Variants in SETD2 observed in about 807,000 individuals in gnomAD.
The protein encoded by SETD2 is histone-lysine N-methyltransferase SETD2.
Under a neutral mutation model 242.1 loss-of-function variants are expected in SETD2, and 31 were observed. The observed-to-expected ratio is 0.13, with a 90% CI of 0.10 to 0.17. The LOEUF (loss-of-function observed/expected upper bound fraction) is 0.17. Among genes scored for constraint, SETD2 ranks in the 10% least tolerant of loss-of-function variants. SETD2 has a pLI of 1.00. For synonymous variants in SETD2, 1,006 were observed against 1,066.5 expected, an observed-to-expected ratio of 0.94 and a Z score of 1.11; for missense variants, 2,481 against 3,046.3, an observed-to-expected ratio of 0.81 and a Z score of 4.37.
At chr3:47,036,645 A>G (rs2039008614) in intron 18 of SETD2, among the ~76,000 whole-genome samples, 1 of 151,686 alleles carries the variant, frequency 6.6e-6, no homozygotes, top group South Asian at 2.1e-4. Flanking sequence ...GCTCACATCT[A>G]TAATCCCAGC....
Position 47,112,086 on chromosome 3 carries a change from A to G in SETD2, c.4715+1790T>C, listed in dbSNP as rs547732042. ...ATGTAATCTGTTTATATTTAACTTC[A>G]AAGAGGCACTTGACCTTCATTAAGA... On this transcript the variant is annotated intron_variant, in intron 5 of 20. Coordinates refer to ENST00000409792, the MANE Select transcript of SETD2 (RefSeq NM_014159.7). Among the ~76,000 whole-genome samples, 44 of 151,286 alleles carry G rather than the reference A, an allele frequency of 2.9e-4. 1 individual carries two copies. The highest frequency in any genetic ancestry group is 1.9e-4 in the Non-Finnish European group (13 of 67,924).
chr3:47,078,724 G>A (rs1000789706), intron 12 of SETD2, among the ~76,000 whole-genome samples: 5 of 151,290 alleles, frequency 3.3e-5, no homozygotes, highest in African/African-American at 1.2e-4. Context: ...TAACTTAGTT[G>A]TTGTTGTTTT....
intron 3 of SETD2, among the ~76,000 whole-genome samples, chr3:47,117,385 C>A (rs1231249883): frequency 6.6e-6 from 1 of 151,678 alleles, no homozygotes; most frequent in Middle Eastern, 3.2e-3. Flanking sequence ...TTATTTCCTA[C>A]TCCAGGTCAG....
rs747138806 is a variant in SETD2 at position 47,067,044 on chromosome 3, AAC to A, written c.6109+24_6109+25del. On this transcript the variant is annotated intron_variant, in intron 13 of 20. Transcript: ENST00000409792. ...ACAAAAGAATATTTGTAAAGCCATC[AAC>A]ACAGAGTATCTCTGAATACCTACTT... The A allele has an allele frequency of 4.4e-6, 7 of 1,573,176 alleles. No individual in the cohort carries two copies. In the African/African-American group the frequency reaches 9.5e-5, roughly 21 times the overall value.
At position 47,084,059 on chromosome 3, in the gene SETD2, C is replaced by A; in HGVS notation, c.5721G>T (p.Glu1907Asp). The change falls in exon 12 of 21, where the codon GAG becomes GAT. Residue 1907 changes from glutamate (E) to aspartate (D), a missense_variant. Glu to Asp is a conservative substitution (Grantham distance 45, BLOSUM62 2). This residue lies in a region of SETD2 where 203 missense variants were observed against 222.4 expected (regional missense o/e 0.91). Transcript: ENST00000409792. ...GGACATTTTCTAATTGATCAAGATC[C>A]TCTTTGCCATCCTTGCCTTCTAGCT... ...TSELEGKDGK[E>D]DLDQLENVPV... is the part of the protein sequence containing the mutation. 1 of 1,614,206 alleles carries A rather than the reference C, an allele frequency of 6.2e-7. No homozygotes were observed. The highest frequency in any genetic ancestry group is 8.5e-7 in the Non-Finnish European group (1 of 1,180,030).
chr3:47,118,678 A>G (rs1279725285), intron 3 of SETD2, among the ~76,000 whole-genome samples: 1 of 151,922 alleles, frequency 6.6e-6, no homozygotes, highest in Non-Finnish European at 1.5e-5. Context: ...AAAAAAAAAA[A>G]AAAGTTAAAT....
At chr3:47,103,739 C>T (rs571317041) in intron 6 of SETD2, among the ~76,000 whole-genome samples, 14 of 103,432 alleles carry the variant, frequency 1.4e-4, no homozygotes, top group East Asian at 5.7e-4. Flanking sequence ...GCAATGCACA[C>T]GCACGCACAC....
chr3:47,142,487 T>C (rs1450864029), intron 1 of SETD2, among the ~76,000 whole-genome samples: 1 of 151,952 alleles, frequency 6.6e-6, no homozygotes, highest in African/African-American at 2.4e-5. Context: ...CCAGCCTGGG[T>C]GACAGAGCAA....
intron 18 of SETD2, among the ~76,000 whole-genome samples, chr3:47,033,652 ATTTTTTTTTTTTTT>A (rs34978514): frequency 4.4e-5 from 4 of 90,856 alleles, no homozygotes; most frequent in Non-Finnish European, 5.8e-5. Flanking sequence ...TCATGGTTTG[ATTTTTTTTTTTTTT>A]TTTTTTTTTT....
rs6795211 is a variant in SETD2 at position 47,113,438 on chromosome 3, C to T, written c.4715+438G>A. Among the ~76,000 whole-genome samples, 217 of 152,216 alleles carry T rather than the reference C, an allele frequency of 1.4e-3. 1 individual carries two copies. The highest frequency in any genetic ancestry group is 4.7e-3 in the African/African-American group (195 of 41,540). On this transcript the variant is annotated intron_variant, in intron 5 of 20. Coordinates refer to ENST00000409792, the MANE Select transcript of SETD2 (RefSeq NM_014159.7). ...AAAAGAAAAAAAGATTTTTTAACAA[C>T]AAACTAGCTACCAAGTGGTCATTCT...
rs1020129030 is a variant in SETD2 at position 47,120,391 on chromosome 3, A to G, written c.4245T>C (p.Ser1415=). Residue 1415 remains serine (S), a synonymous_variant, in exon 3 of 21, where the codon TCT becomes TCC. Transcript: ENST00000409792. ...TGTCCTGAAGCTCACCATCACTTTC[A>G]GAATCACTCTCTATTTCCTGCCTCC... The part of the protein sequence containing the change: ...KKRRQEIESD[S]ESDGELQDRK... 1 of 1,612,438 alleles carries G rather than the reference A, an allele frequency of 6.2e-7. No individual in the cohort carries two copies. The highest frequency in any genetic ancestry group is 8.5e-7 in the Non-Finnish European group (1 of 1,179,540).
chr3:47,092,739 T>A (rs2041855478), intron 9 of SETD2, among the ~76,000 whole-genome samples: 1 of 151,934 alleles, frequency 6.6e-6, no homozygotes, highest in Non-Finnish European at 1.5e-5. Flanking sequence ...AGAATACACA[T>A]ATAGACAGAA....
chr3:47,076,001 C>G (rs910543732), intron 12 of SETD2, among the ~76,000 whole-genome samples: 1 of 152,216 alleles, frequency 6.6e-6, no homozygotes, highest in African/African-American at 2.4e-5. Flanking sequence ...AAGCTCTTCA[C>G]AGGACACTGG....
chr3:47,150,167 C>G (rs1559767551), intron 1 of SETD2, among the ~76,000 whole-genome samples: 1 of 150,964 alleles, frequency 6.6e-6, no homozygotes, highest in African/African-American at 2.4e-5. Flanking sequence ...GTAGCTGGGA[C>G]TCCAGGCACC....
intron 1 of SETD2, among the ~76,000 whole-genome samples, chr3:47,146,039 A>G (rs1221159429): frequency 6.6e-6 from 1 of 150,998 alleles, no homozygotes; most frequent in African/African-American, 2.4e-5. Flanking sequence ...AAAAAAAAAA[A>G]AAAGCTATAC....
At chr3:47,074,802 A>G (rs1419696808) in intron 12 of SETD2, among the ~76,000 whole-genome samples, 1 of 152,232 alleles carries the variant, frequency 6.6e-6, no homozygotes, top group Admixed American at 6.5e-5. Flanking sequence ...TAGAGGTTCT[A>G]AACATCTCCT....
intron 14 of SETD2, 120 bp from the exon 15 acceptor site, chr3:47,057,610 C>A: frequency 1.4e-6 from 1 of 711,548 alleles, no homozygotes; most frequent in Admixed American, 2.6e-5. Context: ...CTATTTGGCA[C>A]TGGTTTACAA....
intron 3 of SETD2, 129 bp downstream of exon 3, chr3:47,120,053 A>C (rs1484418078): frequency 1.2e-6 from 1 of 808,986 alleles, no homozygotes; most frequent in African/African-American, 1.7e-5. Context: ...ACTTTTTTAG[A>C]CTTTTAAATT....
intron 12 of SETD2, among the ~76,000 whole-genome samples, chr3:47,071,834 C>T (rs1249362956): frequency 6.6e-6 from 1 of 152,098 alleles, no homozygotes; most frequent in Non-Finnish European, 1.5e-5. Context: ...ATGACAGGCT[C>T]AAAAGGTACT....
Sources: gnomAD v4.1 joint callset for allele counts (sites outside exome capture counted in the v4.1 genomes callset) on GRCh38, gnomAD v4.1.1 for gene constraint, gnomAD v4.1.1 regional missense constraint, MANE v1.5 for transcripts, NCBI Gene and HGNC (gene_info 2026-07-23, HGNC 2026-07-21) for gene names.